MUCL1: variants seen among roughly 807,000 people sequenced by gnomAD.
The protein encoded by MUCL1 is mucin-like protein 1.
A neutral mutation model predicts 9.2 loss-of-function variants in MUCL1; 11 were observed. The observed-to-expected ratio is 1.19, with a 90% CI of 0.75 to 1.97. The LOEUF is 1.97. Among genes scored for constraint, MUCL1 ranks in the 30% most tolerant of loss-of-function variants. The probability of loss-of-function intolerance (pLI) is 0.00; values close to 1 mark genes in which losing one functional copy is unlikely to be tolerated. For missense variants in MUCL1, 144 were observed against 110.9 expected, an observed-to-expected ratio of 1.30 and a Z score of -1.34; for synonymous variants, 48 against 40.5, an observed-to-expected ratio of 1.19 and a Z score of -0.71.
chr12:54,854,623 T>A lies in MUCL1; in HGVS notation c.41T>A (p.Ile14Asn). 1.2e-6 allele frequency: 2 copies of A among 1,613,456 alleles called. No individual in the cohort carries two copies. The highest frequency in any genetic ancestry group is 1.7e-6 in the Non-Finnish European group (2 of 1,179,540). Reference protein sequence around the residue: ...LAVLVLLGVSIFLVSAQNPTT... With the variant: ...LAVLVLLGVSNFLVSAQNPTT... Reference sequence around the variant, plus strand: ...GTCCTGGTACTCTTGGGAGTTTCCATCTTTCTGGTCTCTGCCCGTAAGTAA... The same window carrying A: ...GTCCTGGTACTCTTGGGAGTTTCCAACTTTCTGGTCTCTGCCCGTAAGTAA... The change falls in exon 1 of 4, where the codon ATC becomes AAC. Residue 14 changes from isoleucine to asparagine, a missense_variant. Physicochemically the swap from Ile to Asn is moderately radical, Grantham distance 149. Coordinates refer to ENST00000308796, the MANE Select transcript of MUCL1 (RefSeq NM_058173.3).
intron 1 of MUCL1, among the ~76,000 whole-genome samples, chr12:54,842,689 A>G (rs950481098): frequency 3.3e-5 from 5 of 152,138 alleles, no homozygotes; most frequent in Non-Finnish European, 7.4e-5. Flanking sequence ...TTAAATTCTC[A>G]TTGTTTTTCT....
chr12:54,855,235 T>C, intron 2 of MUCL1, 78 bp downstream of exon 2: 1 of 1,263,644 alleles, frequency 7.9e-7, no homozygotes, highest in South Asian at 1.2e-5. Flanking sequence ...ACAGCCAGTT[T>C]CCATGTGGAT....
chr12:54,854,495 A>G, upstream of MUCL1: 1 of 1,013,780 alleles, frequency 9.9e-7, no homozygotes, highest in South Asian at 1.4e-5. Context: ...ATATATTGTC[A>G]GGATGTGGAA....
chr12:54,858,214 A>G lies in MUCL1; in HGVS notation c.245A>G (p.Asp82Gly), dbSNP rs375718668. ...GCAGTTTTACCCAAATGGGTTGGGGATCTCCCGAATGGTAGAGTGTGTCCC... is the reference window on the plus strand; with the variant it reads ...GCAGTTTTACCCAAATGGGTTGGGGGTCTCCCGAATGGTAGAGTGTGTCCC... The part of the protein sequence containing the change: ...DIPVLPKWVG[D>G]LPNGRVCP Residue 82 changes from aspartate to glycine, a missense_variant, in exon 4 of 4, where the codon GAT becomes GGT. By Grantham distance (94) the Asp-to-Gly change is moderately conservative (BLOSUM62 -1). Coordinates refer to ENST00000308796, the MANE Select transcript of MUCL1 (RefSeq NM_058173.3). 8.7e-6 allele frequency: 14 copies of G among 1,613,390 alleles called. No individual in the cohort carries two copies. The highest frequency in any genetic ancestry group is 5.0e-5 in the Admixed American group (3 of 59,914).
At chr12:54,854,734 C>A in intron 1 of MUCL1, 94 bp downstream of exon 1, 1 of 1,106,524 alleles carries the variant, frequency 9.0e-7, no homozygotes, top group Non-Finnish European at 1.3e-6. Context: ...TTAGAATGTG[C>A]TTTTTTACCT....
At chr12:54,857,631 G>T (rs1307900828) in intron 3 of MUCL1, among the ~76,000 whole-genome samples, 1 of 152,080 alleles carries the variant, frequency 6.6e-6, no homozygotes, top group Non-Finnish European at 1.5e-5. Flanking sequence ...AAATGGAAGA[G>T]TTGCAATGAG....
upstream of MUCL1, among the ~76,000 whole-genome samples, chr12:54,850,102 C>T (rs901020972): frequency 6.6e-6 from 1 of 152,178 alleles, no homozygotes; most frequent in Admixed American, 6.5e-5. Flanking sequence ...TTATTGTTGT[C>T]CTTCCTTGGA....
upstream of MUCL1, among the ~76,000 whole-genome samples, chr12:54,853,658 C>T (rs1247058563): frequency 1.3e-5 from 2 of 152,126 alleles, no homozygotes; most frequent in Admixed American, 6.5e-5. Flanking sequence ...TTTCTTCTTT[C>T]CTGCCTTCTT....
upstream of MUCL1, among the ~76,000 whole-genome samples, chr12:54,834,725 T>C (rs1029332334): frequency 1.3e-5 from 2 of 151,944 alleles, no homozygotes; most frequent in African/African-American, 4.8e-5. Context: ...GATTGAAATT[T>C]TATATACTAA....
chr12:54,850,672 C>A (rs1387582623), upstream of MUCL1, among the ~76,000 whole-genome samples: 1 of 152,124 alleles, frequency 6.6e-6, no homozygotes, highest in Admixed American at 6.5e-5. Flanking sequence ...TGGGTATATG[C>A]CCAGTAATGG....
intron 1 of MUCL1, 146 bp from the exon 2 acceptor site, chr12:54,854,970 C>G: frequency 1.5e-6 from 1 of 683,638 alleles, no homozygotes; most frequent in East Asian, 2.7e-5. Context: ...TTTATCTTAT[C>G]TGTGCACTTG....
At chr12:54,855,218 A>T in intron 2 of MUCL1, 61 bp downstream of exon 2, 3 of 1,482,856 alleles carry the variant, frequency 2.0e-6, no homozygotes, top group Non-Finnish European at 2.8e-6. Context: ...TTCCAGCCTC[A>T]TGTCAAACAG....
intron 1 of MUCL1, among the ~76,000 whole-genome samples, chr12:54,831,826 A>T (rs566326230): frequency 6.6e-6 from 1 of 152,060 alleles, no homozygotes; most frequent in Non-Finnish European, 1.5e-5. Context: ...TGGTATATTC[A>T]TCACTTTTGC....
intron 1 of MUCL1, among the ~76,000 whole-genome samples, chr12:54,845,733 C>A (rs955470104): frequency 6.6e-6 from 1 of 152,078 alleles, no homozygotes; most frequent in African/African-American, 2.4e-5. Context: ...CTGGACTGGA[C>A]TGGTTCTGCT....
chr12:54,831,616 A>G (rs1959185533), intron 1 of MUCL1, among the ~76,000 whole-genome samples: 1 of 152,126 alleles, frequency 6.6e-6, no homozygotes, highest in Non-Finnish European at 1.5e-5. Flanking sequence ...AAGTTAAATG[A>G]TGCATATTCA....
upstream of MUCL1, among the ~76,000 whole-genome samples, chr12:54,836,082 G>C (rs1000772365): frequency 6.6e-6 from 1 of 151,998 alleles, no homozygotes; most frequent in African/African-American, 2.4e-5. Flanking sequence ...TTGGTATCAG[G>C]GCATACTGGT....
upstream of MUCL1, among the ~76,000 whole-genome samples, chr12:54,851,748 A>G (rs1326605282): frequency 1.3e-5 from 2 of 152,212 alleles, no homozygotes; most frequent in African/African-American, 4.8e-5. Context: ...ATGATTGTAT[A>G]TCTAGAAAAC....
At chr12:54,837,069 A>G (rs753018005), upstream of MUCL1, among the ~76,000 whole-genome samples, 3 of 152,122 alleles carry the variant, frequency 2.0e-5, no homozygotes, top group Non-Finnish European at 4.4e-5. Context: ...TCTTGAGTAG[A>G]ATGTTCTGTA....
intron 1 of MUCL1, among the ~76,000 whole-genome samples, chr12:54,843,175 C>T (rs1592246816): frequency 6.6e-6 from 1 of 152,252 alleles, no homozygotes; most frequent in East Asian, 1.9e-4. Context: ...GATGTATTCC[C>T]ATCATTAAAT....
Sources: allele counts gnomAD v4.1 joint callset (sites outside exome capture counted in the v4.1 genomes callset), GRCh38; gene constraint gnomAD v4.1.1; transcripts MANE v1.5; gene names NCBI Gene and HGNC (gene_info 2026-07-23, HGNC 2026-07-21).